The following DRD2 variants were observed in gnomAD, a reference collection of about 807,000 sequenced individuals.
The protein encoded by DRD2 is dopamine receptor D2.
Under a neutral mutation model 38.0 loss-of-function variants are expected in DRD2, and 8 were observed. The ratio of observed to expected loss-of-function variants is 0.21; its 90% CI spans 0.12 to 0.38. The LOEUF is 0.38. DRD2 is among the 10% of genes least tolerant of loss of function. DRD2 has a pLI of 1.00. For missense variants in DRD2, 403 were observed against 607.7 expected, an observed-to-expected ratio of 0.66 and a Z score of 3.54; for synonymous variants, 230 against 238.6, an observed-to-expected ratio of 0.96 and a Z score of 0.33.
chr11:113,468,708 C>T (rs988310989), intron 1 of DRD2, among the ~76,000 whole-genome samples: 7 of 152,074 alleles, frequency 4.6e-5, no homozygotes, highest in Admixed American at 4.6e-4. Context: ...CTGCCAGATC[C>T]TAATTTTTTT....
chr11:113,439,331 G>A (rs1037374696), intron 1 of DRD2, among the ~76,000 whole-genome samples: 4 of 152,136 alleles, frequency 2.6e-5, no homozygotes, highest in African/African-American at 9.7e-5. Flanking sequence ...CCTTTGAACA[G>A]CCTAAAACAG....
intron 1 of DRD2, among the ~76,000 whole-genome samples, chr11:113,437,121 C>T (rs1951046110): frequency 6.6e-6 from 1 of 152,216 alleles, no homozygotes; most frequent in South Asian, 2.1e-4. Flanking sequence ...AGAACAGCTA[C>T]TGAGCACCTA....
intron 1 of DRD2, among the ~76,000 whole-genome samples, chr11:113,428,578 G>A (rs894914318): frequency 6.6e-6 from 1 of 152,186 alleles, no homozygotes; most frequent in Non-Finnish European, 1.5e-5. Flanking sequence ...TGTGTGGCTG[G>A]GGCGTTTGTG....
At position 113,431,439 on chromosome 11, in the gene DRD2, G is replaced by C. The variant is rs554831666; in HGVS notation, c.-31-6757C>G. Among the ~76,000 whole-genome samples the C allele has an allele frequency of 3.9e-5, 6 of 152,352 alleles. No homozygotes were observed. In the South Asian group the frequency reaches 1.2e-3, roughly 32 times the overall value. ...CTGCCCTGGTGGAAGCCAGGAGAAA[G>C]AGAAGACTGCATTTGTGTGGTGACC... On this transcript the variant is annotated intron_variant, in intron 1 of 7. Transcript: ENST00000362072.
intron 1 of DRD2, among the ~76,000 whole-genome samples, chr11:113,433,589 C>G (rs572829853): frequency 6.6e-6 from 1 of 152,156 alleles, no homozygotes; most frequent in African/African-American, 2.4e-5. Context: ...TCAGAGGCAG[C>G]GAGGCAGCAG....
intron 2 of DRD2, among the ~76,000 whole-genome samples, chr11:113,423,415 A>G (rs1264986398): frequency 6.6e-6 from 1 of 152,132 alleles, no homozygotes; most frequent in African/African-American, 2.4e-5. Flanking sequence ...ATCTGGGATT[A>G]CAGGCATATG....
intron 1 of DRD2, 160 bp from the exon 2 acceptor site, chr11:113,424,842 CT>C: frequency 1.4e-6 from 1 of 706,980 alleles, no homozygotes; most frequent in Non-Finnish European, 2.3e-6. Context: ...CCTTCTGCCA[CT>C]CTTTTGCTAG....
intron 1 of DRD2, among the ~76,000 whole-genome samples, chr11:113,463,000 G>A (rs1349228583): frequency 6.6e-6 from 1 of 151,908 alleles, no homozygotes; most frequent in Admixed American, 6.6e-5. Flanking sequence ...AAAGACAATA[G>A]CACAGCATTC....
At chr11:113,421,691 G>C (rs992991929) in intron 2 of DRD2, among the ~76,000 whole-genome samples, 26 of 152,176 alleles carry the variant, frequency 1.7e-4, no homozygotes, top group African/African-American at 5.3e-4. Flanking sequence ...AATGGAACAG[G>C]AGGAAAAAAT....
At chr11:113,430,404 T>C (rs773579489) in intron 1 of DRD2, among the ~76,000 whole-genome samples, 30 of 152,212 alleles carry the variant, frequency 2.0e-4, no homozygotes, top group Non-Finnish European at 4.0e-4. Flanking sequence ...CCAACCCCAG[T>C]AGAGCTCCAA....
intron 1 of DRD2, among the ~76,000 whole-genome samples, chr11:113,441,351 A>G (rs1466304235): frequency 6.6e-6 from 1 of 152,224 alleles, no homozygotes; most frequent in Non-Finnish European, 1.5e-5. Context: ...GAGAGTTGGT[A>G]CTGGTTAGCT....
intron 1 of DRD2, among the ~76,000 whole-genome samples, chr11:113,469,308 AAG>A (rs1320852734): frequency 6.6e-6 from 1 of 152,134 alleles, no homozygotes; most frequent in Non-Finnish European, 1.5e-5. Context: ...TAAGAATCCC[AAG>A]GAGTTATTTT....
chr11:113,422,813 C>T (rs1024748334), intron 2 of DRD2, among the ~76,000 whole-genome samples: 6 of 152,170 alleles, frequency 3.9e-5, no homozygotes, highest in Admixed American at 2.6e-4. Context: ...CCACCAGTCT[C>T]GCCTCCTCAC....
intron 1 of DRD2, among the ~76,000 whole-genome samples, chr11:113,432,320 CT>C (rs1565667522): frequency 1.3e-5 from 2 of 151,654 alleles, no homozygotes; most frequent in African/African-American, 2.4e-5. Context: ...CTCTCTCTCT[CT>C]CTCTCCCTCC....
chr11:113,470,407 C>T (rs1263407873), intron 1 of DRD2, among the ~76,000 whole-genome samples: 1 of 152,140 alleles, frequency 6.6e-6, no homozygotes, highest in African/African-American at 2.4e-5. Context: ...GGCAGGACTG[C>T]CCAGGCTAAC....
At chr11:113,468,138 T>C (rs1951387772) in intron 1 of DRD2, among the ~76,000 whole-genome samples, 2 of 152,328 alleles carry the variant, frequency 1.3e-5, no homozygotes, top group East Asian at 3.9e-4. Context: ...AATTAATTAC[T>C]GTGACCCAAT....
At chr11:113,437,490 C>T (rs1246545346) in intron 1 of DRD2, among the ~76,000 whole-genome samples, 1 of 152,124 alleles carries the variant, frequency 6.6e-6, no homozygotes, top group Non-Finnish European at 1.5e-5. Context: ...TTATATGAGC[C>T]TTATAAAGAG....
chr11:113,474,611 C>A (rs1233144006), intron 1 of DRD2, among the ~76,000 whole-genome samples: 1 of 152,176 alleles, frequency 6.6e-6, no homozygotes, highest in Non-Finnish European at 1.5e-5. Flanking sequence ...GTCGCACCAA[C>A]ACAGAGTTGC....
intron 2 of DRD2, among the ~76,000 whole-genome samples, chr11:113,418,456 G>A (rs983826586): frequency 2.0e-5 from 3 of 152,140 alleles, no homozygotes; most frequent in Admixed American, 2.0e-4. Context: ...CTTAGATTCT[G>A]TATTTGTGTA....
Sources: allele counts gnomAD v4.1 joint callset (sites outside exome capture counted in the v4.1 genomes callset), GRCh38; gene constraint gnomAD v4.1.1; transcripts MANE v1.5; gene names NCBI Gene and HGNC (gene_info 2026-07-23, HGNC 2026-07-21).